The following ZFHX3 variants were observed in gnomAD, a reference collection of about 807,000 sequenced individuals.
ZFHX3 encodes zinc finger homeobox 3.
ZFHX3 carries 42 observed loss-of-function variants against 279.1 expected under a neutral mutation model. That is an observed-to-expected ratio of 0.15 (90% confidence interval 0.12 to 0.19). The LOEUF is 0.19. ZFHX3 is among the 10% of genes least tolerant of loss of function. ZFHX3 has a pLI of 1.00. For missense variants in ZFHX3, 4,981 were observed against 4,754.0 expected, an observed-to-expected ratio of 1.05 and a Z score of -1.40; for synonymous variants, 2,293 against 1,957.8, an observed-to-expected ratio of 1.17 and a Z score of -4.52.
intron 1 of ZFHX3, among the ~76,000 whole-genome samples, chr16:73,722,278 C>T (rs1427890463): frequency 1.3e-5 from 2 of 152,248 alleles, no homozygotes; most frequent in Non-Finnish European, 2.9e-5. Context: ...ATATGGTACT[C>T]GATTGGTTGA....
chr16:72,962,271 A>G (rs895744122), intron 1 of ZFHX3, among the ~76,000 whole-genome samples: 1 of 152,224 alleles, frequency 6.6e-6, no homozygotes, highest in African/African-American at 2.4e-5. Flanking sequence ...GCGTTTACCA[A>G]TTAATTGGTG....
At chr16:73,669,528 G>A (rs1041738713) in intron 2 of ZFHX3, among the ~76,000 whole-genome samples, 4 of 152,340 alleles carry the variant, frequency 2.6e-5, no homozygotes, top group Non-Finnish European at 5.9e-5. Context: ...AAGATAAAAA[G>A]GGGTATCCAT....
chr16:72,959,032 G>T lies in ZFHX3; in HGVS notation c.1114C>A (p.Arg372=), dbSNP rs1317409166. ...HSFYGKFSGI[R]MEGEEALPAG... ...GGGAGAGCTTCCTCCCCTTCCATTC[G>T]AATGCCACTAAATTTACCATAAAAA... The change falls in exon 2 of 10, where the codon CGA becomes AGA. Residue 372 remains arginine (R), a synonymous_variant. Coordinates refer to ENST00000268489, the MANE Select transcript of ZFHX3 (RefSeq NM_006885.4). 6.2e-7 allele frequency: 1 copy of T among 1,613,216 alleles called. No individual in the cohort carries two copies. Among genetic ancestry groups the T allele is most frequent in the Non-Finnish European group, 8.5e-7 (1 of 1,179,526 alleles).
intron 1 of ZFHX3, among the ~76,000 whole-genome samples, chr16:73,814,062 T>A (rs1960496391): frequency 6.6e-6 from 1 of 152,232 alleles, no homozygotes; most frequent in South Asian, 2.1e-4. Flanking sequence ...CAGTTATTTC[T>A]CTTTGCAAGT....
At chr16:72,962,713 G>A (rs1255581730) in intron 1 of ZFHX3, among the ~76,000 whole-genome samples, 2 of 152,064 alleles carry the variant, frequency 1.3e-5, no homozygotes. Context: ...ACCATCCTCA[G>A]GGACCATGCA....
chr16:73,542,154 G>A (rs1487861600), intron 2 of ZFHX3, among the ~76,000 whole-genome samples: 4 of 152,016 alleles, frequency 2.6e-5, no homozygotes, highest in African/African-American at 9.7e-5. Context: ...CCTTAGTGAT[G>A]TCAAATCCCT....
intron 4 of ZFHX3, among the ~76,000 whole-genome samples, chr16:72,878,987 G>A (rs1032837670): frequency 2.6e-5 from 4 of 152,302 alleles, no homozygotes; most frequent in East Asian, 1.9e-4. Flanking sequence ...CTTTATGCTC[G>A]TGCAGGACAG....
rs11864694 is a variant in ZFHX3 at position 73,541,600 on chromosome 16, A to T, written c.-1546-85342T>A. Among the ~76,000 whole-genome samples the T allele has an allele frequency of 9.2e-3, 1,405 of 152,252 alleles. 24 individuals are homozygous for T. The highest frequency in any genetic ancestry group is 0.032 in the African/African-American group (1,343 of 41,548). ...ATGACCTAGAGGCTCCAAAAATGCC[A>T]AGAGCAAGTGCTTGGTCCCTGCATG... On this transcript the variant is annotated intron_variant, in intron 2 of 17. Coordinates refer to the ZFHX3 transcript ENST00000641206.
intron 1 of ZFHX3, among the ~76,000 whole-genome samples, chr16:73,802,650 T>C (rs779701728): frequency 2.6e-5 from 4 of 152,148 alleles, no homozygotes; most frequent in Non-Finnish European, 5.9e-5. Context: ...AGGCACAAAG[T>C]ACTAGAAATG....
chr16:73,555,291 A>T (rs2020260451), intron 2 of ZFHX3, among the ~76,000 whole-genome samples: 1 of 151,914 alleles, frequency 6.6e-6, no homozygotes, highest in African/African-American at 2.4e-5. Flanking sequence ...AATAGCTGGG[A>T]CTACAGGCAC....
chr16:73,817,371 A>T (rs1291378153), intron 1 of ZFHX3, among the ~76,000 whole-genome samples: 1 of 152,170 alleles, frequency 6.6e-6, no homozygotes, highest in Admixed American at 6.5e-5. Flanking sequence ...TACTTCTCAA[A>T]GTTGCTCTGG....
At chr16:73,638,919 G>C (rs900652395) in intron 2 of ZFHX3, among the ~76,000 whole-genome samples, 1 of 152,144 alleles carries the variant, frequency 6.6e-6, no homozygotes. Context: ...CTTTAATCTT[G>C]ATGAGAGATA....
chr16:73,282,299 G>T (rs2014478261), intron 4 of ZFHX3, among the ~76,000 whole-genome samples: 1 of 152,130 alleles, frequency 6.6e-6, no homozygotes, highest in Non-Finnish European at 1.5e-5. Flanking sequence ...TGCATTTTCT[G>T]CCTAGAAATC....
rs112129642 is a variant in ZFHX3, at chr16:73,877,201, T to TGGG, written c.-1608+14449_-1608+14450insCCC. Among the ~76,000 whole-genome samples, 218 of 105,604 alleles carry TGGG rather than the reference T, an allele frequency of 2.1e-3. 4 individuals are homozygous for TGGG. Among genetic ancestry groups the TGGG allele is most frequent in the African/African-American group, 6.1e-3 (168 of 27,682 alleles). The allele number at this position is 105,604 out of a possible 152,430, so 69.3% of individuals were successfully genotyped here. On this transcript the variant is annotated intron_variant, in intron 1 of 17. Transcript: ENST00000641206. The stretch of plus-strand genomic sequence containing the variant: ...AGATGGTTGGGTTCGGGGGGTTAGG[T>TGGG]CGGGGGGGGGTCCCAGGCACTTGCT...
chr16:73,331,848 G>A (rs765620330), intron 3 of ZFHX3, among the ~76,000 whole-genome samples: 26 of 152,130 alleles, frequency 1.7e-4, no homozygotes, highest in Admixed American at 3.3e-4. Flanking sequence ...AGAAAAAGAC[G>A]TGCCACGAGT....
intron 7 of ZFHX3, among the ~76,000 whole-genome samples, chr16:73,107,083 G>A (rs1418783999): frequency 2.6e-5 from 4 of 152,128 alleles, no homozygotes; most frequent in Non-Finnish European, 5.9e-5. Flanking sequence ...TTGGGAGGAC[G>A]AGGCAGGCAG....
chr16:73,668,672 C>G (rs894309076), intron 2 of ZFHX3, among the ~76,000 whole-genome samples: 6 of 148,436 alleles, frequency 4.0e-5, no homozygotes, highest in African/African-American at 1.5e-4. Flanking sequence ...ATCCATCTGA[C>G]AAAGGGCTAA....
intron 1 of ZFHX3, among the ~76,000 whole-genome samples, chr16:73,811,101 C>A (rs2142336677): frequency 6.6e-6 from 1 of 152,276 alleles, no homozygotes; most frequent in East Asian, 1.9e-4. Flanking sequence ...TGATCCAAAG[C>A]TCAGTGCATC....
At chr16:72,919,715 T>C (rs1251587872) in intron 3 of ZFHX3, among the ~76,000 whole-genome samples, 1 of 148,728 alleles carries the variant, frequency 6.7e-6, no homozygotes, top group Non-Finnish European at 1.5e-5. Flanking sequence ...TCTGTATATG[T>C]AACATTTTTA....
Sources: allele counts gnomAD v4.1 joint callset (sites outside exome capture counted in the v4.1 genomes callset), GRCh38; gene constraint gnomAD v4.1.1; transcripts MANE v1.5; gene names NCBI Gene and HGNC (gene_info 2026-07-23, HGNC 2026-07-21).